The following PCSK5 variants were observed in gnomAD, a reference collection of about 807,000 sequenced individuals.
PCSK5 encodes prohormone convertase 5.
PCSK5 carries 129 observed loss-of-function variants against 233.2 expected under a neutral mutation model. That is an observed-to-expected ratio of 0.55 (90% confidence interval 0.48 to 0.64). The LOEUF (loss-of-function observed/expected upper bound fraction) is 0.64, where lower values mean the gene tolerates loss of function less well. Ranked by LOEUF, PCSK5 falls within the 30% of genes least tolerant of loss-of-function variation. The probability of loss-of-function intolerance (pLI) is 0.00; values close to 1 mark genes in which losing one functional copy is unlikely to be tolerated. For synonymous variants in PCSK5, 825 were observed against 879.2 expected, an observed-to-expected ratio of 0.94 and a Z score of 1.09; for missense variants, 2,076 against 2,430.1, an observed-to-expected ratio of 0.85 and a Z score of 3.06.
At chr9:76,162,156 T>A (rs1382941820) in intron 12 of PCSK5, among the ~76,000 whole-genome samples, 3 of 152,190 alleles carry the variant, frequency 2.0e-5, no homozygotes, top group Admixed American at 2.0e-4. Context: ...ACCCTTTCCA[T>A]GTGAAACAGC....
At chr9:75,893,261 C>A (rs559044413) in intron 1 of PCSK5, among the ~76,000 whole-genome samples, 1 of 152,240 alleles carries the variant, frequency 6.6e-6, no homozygotes, top group East Asian at 1.9e-4. Flanking sequence ...TTACCTCACA[C>A]ACAGGAGATG....
chr9:76,034,004 A>G (rs529008191), intron 5 of PCSK5, among the ~76,000 whole-genome samples: 1 of 152,306 alleles, frequency 6.6e-6, no homozygotes, highest in Admixed American at 6.5e-5. Context: ...CCTACAGCAA[A>G]TATTTTAGAA....
chr9:76,243,187 T>C (rs1826482679), intron 24 of PCSK5, among the ~76,000 whole-genome samples: 1 of 152,214 alleles, frequency 6.6e-6, no homozygotes, highest in East Asian at 1.9e-4. Flanking sequence ...GGAAGTTTGA[T>C]TTACTTGATT....
chr9:75,921,566 T>TTG (rs570109508), intron 1 of PCSK5, among the ~76,000 whole-genome samples: 75 of 149,024 alleles, frequency 5.0e-4, no homozygotes, highest in Middle Eastern at 3.4e-3. Flanking sequence ...TCTATTTCGT[T>TTG]TGTGTGTGTG....
chr9:75,928,198 GA>G (rs1355739324), intron 1 of PCSK5, among the ~76,000 whole-genome samples: 1 of 152,090 alleles, frequency 6.6e-6, no homozygotes, highest in Non-Finnish European at 1.5e-5. Flanking sequence ...TAGCTTTAAG[GA>G]AAAGGTTGGG....
At chr9:75,938,609 T>C (rs1824165344) in intron 2 of PCSK5, among the ~76,000 whole-genome samples, 2 of 152,236 alleles carry the variant, frequency 1.3e-5, no homozygotes, top group Non-Finnish European at 2.9e-5. Flanking sequence ...AAAAGCGCAA[T>C]ATCTGCAAAG....
chr9:76,181,362 T>A (rs1341098101), intron 15 of PCSK5, 36 bp from the exon 16 acceptor site: 1 of 1,578,726 alleles, frequency 6.3e-7, no homozygotes, highest in Non-Finnish European at 8.6e-7. Context: ...GGTTTGCTCA[T>A]GACGCTGCCT....
chr9:75,927,017 G>A (rs1050733540), intron 1 of PCSK5, among the ~76,000 whole-genome samples: 2 of 152,128 alleles, frequency 1.3e-5, no homozygotes. Context: ...TGAGGAGAGT[G>A]TATGTTTCAT....
intron 10 of PCSK5, among the ~76,000 whole-genome samples, chr9:76,153,609 T>C (rs17062125): frequency 0.013 from 2,012 of 152,328 alleles, 18 homozygotes; most frequent in Middle Eastern, 0.027. Context: ...AACCAACTGT[T>C]TGCATGGTAT....
intron 30 of PCSK5, among the ~76,000 whole-genome samples, chr9:76,317,664 T>A (rs1022594696): frequency 6.6e-6 from 1 of 152,202 alleles, no homozygotes; most frequent in Non-Finnish European, 1.5e-5. Context: ...AGAGGTGAAA[T>A]GGACTTCCTT....
intron 20 of PCSK5, among the ~76,000 whole-genome samples, chr9:76,216,693 A>T (rs1302542957): frequency 6.6e-6 from 1 of 152,196 alleles, no homozygotes; most frequent in Non-Finnish European, 1.5e-5. Flanking sequence ...CCTGAATAGA[A>T]CTTTGGTGCC....
chr9:76,243,211 A>G (rs1306907229), intron 24 of PCSK5, among the ~76,000 whole-genome samples: 1 of 152,244 alleles, frequency 6.6e-6, no homozygotes, highest in Non-Finnish European at 1.5e-5. Flanking sequence ...TTTACAAAGC[A>G]CTATTAAGCT....
At chr9:76,346,564 T>C (rs1176116494) in intron 35 of PCSK5, among the ~76,000 whole-genome samples, 1 of 152,160 alleles carries the variant, frequency 6.6e-6, no homozygotes, top group African/African-American at 2.4e-5. Context: ...TCATTATTTT[T>C]TTAATTTTAA....
intron 2 of PCSK5, among the ~76,000 whole-genome samples, chr9:75,968,983 G>T (rs561677482): frequency 6.8e-6 from 1 of 147,106 alleles, no homozygotes; most frequent in Admixed American, 6.9e-5. Flanking sequence ...TATAGAGAAG[G>T]TCTGGAAGTC....
At chr9:75,942,695 A>C (rs1050405234) in intron 2 of PCSK5, among the ~76,000 whole-genome samples, 1 of 152,130 alleles carries the variant, frequency 6.6e-6, no homozygotes, top group Non-Finnish European at 1.5e-5. Flanking sequence ...GACTTGTTCG[A>C]GGAAGCACCA....
intron 5 of PCSK5, among the ~76,000 whole-genome samples, chr9:76,053,761 T>C (rs10119531): frequency 0.065 from 9,921 of 152,116 alleles, 1,046 homozygotes; most frequent in African/African-American, 0.23. Flanking sequence ...TTCCAAACTT[T>C]CCCACTTTTT....
In PCSK5 at chr9:75,891,095, G is replaced by C. The variant is rs908752731; in HGVS notation, c.-87G>C. ...TGCGGCGGCCCGGGGCTGCTCGCCG[G>C]GCGGCGCAGGCCGGAGAAGTTAGTT... On this transcript the variant is annotated 5_prime_UTR_variant, in exon 1 of 38. Coordinates refer to ENST00000674117, the MANE Select transcript of PCSK5 (RefSeq NM_001372043.1). 24 of 1,079,360 alleles carry C rather than the reference G, an allele frequency of 2.2e-5. No individual in the cohort carries two copies. The highest frequency in any genetic ancestry group is 9.5e-5 in the Admixed American group (2 of 21,128). The allele number at this position is 1,079,360 out of a possible 1,614,324, so 66.9% of individuals were successfully genotyped here.
In PCSK5 at chr9:76,240,504, T is replaced by C. The variant is rs1054821423; in HGVS notation, c.3074-112T>C. ...TCGAGGACGGTTTTGGGCTTCATAA[T>C]TGCTCTATGATTTACTTTAAAATAA... On this transcript the variant is annotated intron_variant, in intron 23 of 37. Coordinates refer to ENST00000674117, the MANE Select transcript of PCSK5 (RefSeq NM_001372043.1). The C allele has an allele frequency of 3.9e-6, 3 of 761,580 alleles. No individual in the cohort carries two copies. In the African/African-American group the frequency reaches 5.2e-5, roughly 13 times the overall value. The allele number at this position is 761,580 out of a possible 1,614,324, so 47.2% of individuals were successfully genotyped here. A position where few individuals can be genotyped will look rare whatever the true frequency, so the allele number is the denominator to read the frequency against.
intron 10 of PCSK5, among the ~76,000 whole-genome samples, chr9:76,148,843 T>G (rs1434980552): frequency 3.9e-5 from 6 of 152,216 alleles, no homozygotes; most frequent in Admixed American, 3.9e-4. Context: ...CAGATTAATC[T>G]TTCCAGAATA....
Sources: gnomAD v4.1 joint callset for allele counts (sites outside exome capture counted in the v4.1 genomes callset) on GRCh38, gnomAD v4.1.1 for gene constraint, MANE v1.5 for transcripts, NCBI Gene and HGNC (gene_info 2026-07-23, HGNC 2026-07-21) for gene names.